GPC5: variants seen among roughly 807,000 people sequenced by gnomAD.
GPC5 encodes the protein glypican-5.
GPC5 carries 47 observed loss-of-function variants against 53.9 expected under a neutral mutation model. That is an observed-to-expected ratio of 0.87 (90% CI 0.69 to 1.11). GPC5 has a LOEUF of 1.11. Among genes scored for constraint, GPC5 ranks in the 50% most tolerant of loss-of-function variants. GPC5 has a pLI of 0.00. For missense variants in GPC5, 748 were observed against 713.1 expected (o/e 1.05, Z -0.56); for synonymous variants, 286 against 263.3 (o/e 1.09, Z -0.84).
chr13:91,637,208 T>C lies in GPC5; in HGVS notation c.326-55979T>C, dbSNP rs190116063. On this transcript the variant is annotated intron_variant, in intron 2 of 7. Transcript: ENST00000377067. Reference sequence around the variant, plus strand: ...CTTACCTATTTCTGGGACCTGGGAATGAAGGAGAATATAAGAGGCTGAGAA... The same window carrying C: ...CTTACCTATTTCTGGGACCTGGGAACGAAGGAGAATATAAGAGGCTGAGAA... 7.9e-5 allele frequency among the ~76,000 whole-genome samples: 12 copies of C among 152,262 alleles called. No individual in the cohort carries two copies. The East Asian group carries it at 2.1e-3, about 27-fold the overall frequency.
At chr13:92,315,346 T>A (rs932623671) in intron 7 of GPC5, among the ~76,000 whole-genome samples, 3 of 152,088 alleles carry the variant, frequency 2.0e-5, no homozygotes, top group African/African-American at 7.2e-5. Context: ...TGTTTTCAGA[T>A]GTGAATAATT....
At chr13:92,074,609 G>C (rs1176180231) in intron 6 of GPC5, among the ~76,000 whole-genome samples, 2 of 152,088 alleles carry the variant, frequency 1.3e-5, no homozygotes, top group African/African-American at 4.8e-5. Context: ...GTAATTCATT[G>C]GTTTATTTTA....
At chr13:92,697,360 C>T (rs2139243123) in intron 7 of GPC5, among the ~76,000 whole-genome samples, 1 of 152,094 alleles carries the variant, frequency 6.6e-6, no homozygotes, top group South Asian at 2.1e-4. Flanking sequence ...TATCTGTGTC[C>T]TCTCTTATTT....
At chr13:92,734,611 A>G (rs1045575954) in intron 7 of GPC5, among the ~76,000 whole-genome samples, 24 of 152,038 alleles carry the variant, frequency 1.6e-4, no homozygotes, top group African/African-American at 5.1e-4. Flanking sequence ...GTTATATGCA[A>G]TGAAGTTATT....
At chr13:91,900,422 T>A (rs1443260576) in intron 5 of GPC5, among the ~76,000 whole-genome samples, 1 of 152,092 alleles carries the variant, frequency 6.6e-6, no homozygotes, top group Non-Finnish European at 1.5e-5. Context: ...ATAGCCTTGA[T>A]CTTACTGAGA....
intron 7 of GPC5, among the ~76,000 whole-genome samples, chr13:92,214,856 G>T (rs1348072045): frequency 6.6e-6 from 1 of 152,196 alleles, no homozygotes; most frequent in Non-Finnish European, 1.5e-5. Context: ...GAGACAGACA[G>T]CTCCATGAGA....
At chr13:92,471,926 A>C (rs1167577129) in intron 7 of GPC5, among the ~76,000 whole-genome samples, 1 of 152,122 alleles carries the variant, frequency 6.6e-6, no homozygotes, top group African/African-American at 2.4e-5. Flanking sequence ...TTTTTATAGA[A>C]AGTGAGTGAT....
At chr13:91,513,113 TC>T (rs368235685) in intron 2 of GPC5, among the ~76,000 whole-genome samples, 1 of 152,294 alleles carries the variant, frequency 6.6e-6, no homozygotes, top group African/African-American at 2.4e-5. Context: ...TATGAACCCA[TC>T]ACCTAGGTAT....
intron 2 of GPC5, among the ~76,000 whole-genome samples, chr13:91,599,968 C>A (rs2033122232): frequency 6.6e-6 from 1 of 152,198 alleles, no homozygotes; most frequent in Non-Finnish European, 1.5e-5. Flanking sequence ...GTTACCCAGG[C>A]TGGAGTGCAG....
At chr13:91,632,234 T>A (rs1451968756) in intron 2 of GPC5, among the ~76,000 whole-genome samples, 1 of 152,042 alleles carries the variant, frequency 6.6e-6, no homozygotes, top group African/African-American at 2.4e-5. Context: ...CATAGAATCG[T>A]TAGATGATTA....
rs1266204651 is a variant in GPC5, at chr13:92,613,374, AATATAT to A, written c.1562-252907_1562-252902del. 2.0e-3 allele frequency among the ~76,000 whole-genome samples: 160 copies of A among 79,222 alleles called. 2 individuals are homozygous for A. Among genetic ancestry groups the A allele is most frequent in the African/African-American group, 6.4e-3 (131 of 20,450 alleles). The allele number at this position is 79,222 out of a possible 152,430, so 52.0% of individuals were successfully genotyped here. On this transcript the variant is annotated intron_variant, in intron 7 of 7. Transcript: ENST00000377067. ...TAAATATATAATATATTTATATATA[AATATAT>A]TATATTATATATAAATATATATTAT...
rs190300937 is a variant in GPC5, at chr13:92,118,273, T to C, written c.1402-26557T>C. ...AGTTATATCTGTTGAGCTTTGAATG[T>C]TGAACCAGCCTTGCATTCGTGGTAT... On this transcript the variant is annotated intron_variant, in intron 6 of 7. Coordinates refer to ENST00000377067, the MANE Select transcript of GPC5 (RefSeq NM_004466.6). Among the ~76,000 whole-genome samples the C allele has an allele frequency of 5.4e-3, 822 of 152,362 alleles. 4 individuals carry two copies. The highest frequency in any genetic ancestry group is 7.6e-3 in the Non-Finnish European group (520 of 68,028).
chr13:92,796,534 T>C (rs1052577334), intron 7 of GPC5, among the ~76,000 whole-genome samples: 1 of 152,050 alleles, frequency 6.6e-6, no homozygotes, highest in South Asian at 2.1e-4. Flanking sequence ...TGAAAATCCT[T>C]GGCATTTCTC....
At chr13:91,957,037 AG>A (rs774888106) in intron 6 of GPC5, among the ~76,000 whole-genome samples, 36 of 152,266 alleles carry the variant, frequency 2.4e-4, no homozygotes, top group Admixed American at 4.6e-4. Flanking sequence ...AAATAAGCAC[AG>A]TGAGATGCAA....
chr13:92,154,749 G>T (rs1019929672), intron 7 of GPC5, among the ~76,000 whole-genome samples: 9 of 152,062 alleles, frequency 5.9e-5, no homozygotes, highest in African/African-American at 2.2e-4. Flanking sequence ...TCACAAACCT[G>T]GAATGAGCCA....
chr13:92,148,333 A>G (rs2041883204), intron 7 of GPC5, among the ~76,000 whole-genome samples: 2 of 152,072 alleles, frequency 1.3e-5, no homozygotes, highest in Non-Finnish European at 1.5e-5. Flanking sequence ...AGGGGTCTCT[A>G]TATTTCAATA....
chr13:92,757,014 G>A (rs1462231987), intron 7 of GPC5, among the ~76,000 whole-genome samples: 12 of 151,812 alleles, frequency 7.9e-5, no homozygotes, highest in East Asian at 3.9e-4. Flanking sequence ...AAAAGAGCCC[G>A]CATTGCCAAG....
rs921849148 is a variant in GPC5, at chr13:91,766,677, A to G, written c.1280+10257A>G. On this transcript the variant is annotated intron_variant, in intron 5 of 7. Coordinates refer to ENST00000377067, the MANE Select transcript of GPC5 (RefSeq NM_004466.6). ...GGAGTTCGAGACCAGCCTGACCAAC[A>G]TGGTGAAACCCTGTCTCTACTAAAA... Among the ~76,000 whole-genome samples, 126 of 152,204 alleles carry G rather than the reference A, an allele frequency of 8.3e-4. 1 individual carries two copies. The highest frequency in any genetic ancestry group is 4.9e-4 in the Non-Finnish European group (33 of 68,038).
intron 6 of GPC5, among the ~76,000 whole-genome samples, chr13:92,076,512 A>C (rs1323860836): frequency 6.6e-6 from 1 of 152,190 alleles, no homozygotes; most frequent in Non-Finnish European, 1.5e-5. Context: ...AATATAAATA[A>C]ATAAAATTGG....
Sources: allele counts gnomAD v4.1 joint callset (sites outside exome capture counted in the v4.1 genomes callset), GRCh38; gene constraint gnomAD v4.1.1; transcripts MANE v1.5; gene names NCBI Gene and HGNC (gene_info 2026-07-23, HGNC 2026-07-21).